Variants in KRT86 observed in about 807,000 individuals in gnomAD.
KRT86 encodes the protein keratin 86, also known as keratin, type II cuticular Hb6.
KRT86 carries 30 observed loss-of-function variants against 41.2 expected under a neutral mutation model. That is an observed-to-expected ratio of 0.73 (90% confidence interval 0.54 to 0.99). The LOEUF (loss-of-function observed/expected upper bound fraction) is 0.99. Among genes scored for constraint, KRT86 ranks in the 50% least tolerant of loss-of-function variants. The pLI, the probability that KRT86 is intolerant of heterozygous loss-of-function variation, is 0.00. For synonymous variants in KRT86, 238 were observed against 238.1 expected (o/e 1.00, Z 0.00); for missense variants, 561 against 571.4 (o/e 0.98, Z 0.19).
chr12:52,301,760 AAGCCTTCT>A, intron 2 of KRT86, 145 bp from the exon 3 acceptor site: 1 of 1,489,934 alleles, frequency 6.7e-7, no homozygotes, highest in Non-Finnish European at 9.2e-7. Flanking sequence ...CAAGCCCATA[AAGCCTTCT>A]AATTGCTCCG....
rs202026667 is a variant in KRT86, at chr12:52,305,770, G to A, written c.1008G>A (p.Val336=). Residue 336 remains valine (V), a synonymous_variant, in exon 8 of 11, where the codon GTG becomes GTA. Transcript: ENST00000423955. ...TGATCCAGAGGCTGACGGCTGAGGTGGAGAATGCCAAGTGCCAGGTATGGG... is the reference window on the plus strand; with the variant it reads ...TGATCCAGAGGCTGACGGCTGAGGTAGAGAATGCCAAGTGCCAGGTATGGG... ...NRMIQRLTAE[V]ENAKCQNSKL... 1.9e-6 allele frequency: 3 copies of A among 1,614,014 alleles called. No homozygotes were observed. In the African/African-American group the frequency reaches 4.0e-5, roughly 22 times the overall value.
intron 2 of KRT86, 49 bp from the exon 3 acceptor site, chr12:52,301,864 C>T: frequency 6.2e-7 from 1 of 1,613,646 alleles, no homozygotes; most frequent in Non-Finnish European, 8.5e-7. Flanking sequence ...CCACTGTGCT[C>T]TCCATTCGGA....
At position 52,306,197 on chromosome 12, in the gene KRT86, G is replaced by C. The variant is rs375789021; in HGVS notation, c.1164G>C (p.Glu388Asp). ...AGGACATGGCCTGCCTGATCAGGGAGTACCAGGAGGTGATGAACTCCAAGC... is the reference window on the plus strand; with the variant it reads ...AGGACATGGCCTGCCTGATCAGGGACTACCAGGAGGTGATGAACTCCAAGC... ...AKQDMACLIR[E>D]YQEVMNSKLG... Residue 388 changes from glutamate to aspartate, a missense_variant, in exon 9 of 11, where the codon GAG (glutamate) becomes GAC (aspartate). Coordinates refer to ENST00000423955, the MANE Select transcript of KRT86 (RefSeq NM_001320198.2). 6.2e-7 allele frequency: 1 copy of C among 1,613,816 alleles called. No homozygotes were observed. Among genetic ancestry groups the C allele is most frequent in the Admixed American group, 1.7e-5 (1 of 60,038 alleles).
chr12:52,308,856 G>GTTTT lies in KRT86; in HGVS notation c.*276_*279dup. Reference sequence around the variant, plus strand: ...CATCTTTTTCTTCCGCCTGCCTTCTGTTTTTTTTGCTGTATACATTGGTCT... The same window carrying GTTTT: ...CATCTTTTTCTTCCGCCTGCCTTCTGTTTTTTTTTTTTGCTGTATACATTGGTCT... On this transcript the variant is annotated 3_prime_UTR_variant, in exon 11 of 11. Coordinates refer to ENST00000423955, the MANE Select transcript of KRT86 (RefSeq NM_001320198.2). The GTTTT allele has an allele frequency of 5.0e-5, 24 of 477,820 alleles. No individual in the cohort carries two copies. The highest frequency in any genetic ancestry group is 6.1e-5 in the African/African-American group (3 of 49,164). The allele number at this position is 477,820 out of a possible 1,614,324, so 29.6% of individuals were successfully genotyped here.
At chr12:52,297,207 C>A (rs1174760880) in intron 2 of KRT86, among the ~76,000 whole-genome samples, 1 of 152,226 alleles carries the variant, frequency 6.6e-6, no homozygotes, top group African/African-American at 2.4e-5. Flanking sequence ...AGACTAGCTG[C>A]AATTGCACAT....
At chr12:52,287,872 C>T in intron 2 of KRT86, 4 of 1,603,934 alleles carry the variant, frequency 2.5e-6, no homozygotes, top group Non-Finnish European at 3.4e-6. Flanking sequence ...ATTGGCAGCC[C>T]TCTCTTCTCA....
intron 2 of KRT86, among the ~76,000 whole-genome samples, chr12:52,300,417 G>A (rs1938345151): frequency 6.6e-6 from 1 of 152,182 alleles, no homozygotes; most frequent in South Asian, 2.1e-4. Flanking sequence ...CCTAATGATT[G>A]TAATGAAGCC....
chr12:52,286,340 CA>C (rs1231533810), intron 2 of KRT86: 2 of 1,555,036 alleles, frequency 1.3e-6, no homozygotes, highest in Non-Finnish European at 1.7e-6. Context: ...ACCCCCTCCG[CA>C]GGTGGTGTTC....
intron 2 of KRT86, chr12:52,288,177 T>A (rs758450794): frequency 2.5e-6 from 4 of 1,612,344 alleles, no homozygotes; most frequent in Admixed American, 1.7e-5. Context: ...GTGACTTTAG[T>A]TGAGAATACA....
At chr12:52,305,487 G>C in intron 7 of KRT86, 83 bp downstream of exon 7, 4 of 1,610,362 alleles carry the variant, frequency 2.5e-6, no homozygotes, top group Non-Finnish European at 2.5e-6. Context: ...TCCTTTTCTG[G>C]GGATGCACTA....
chr12:52,286,780 C>CA (rs1318005756), intron 2 of KRT86: 1 of 1,613,824 alleles, frequency 6.2e-7, no homozygotes, highest in East Asian at 2.2e-5. Context: ...CACTGGACCC[C>CA]AAATACTCAC....
At chr12:52,288,668 C>A (rs142261130) in intron 2 of KRT86, among the ~76,000 whole-genome samples, 8 of 152,246 alleles carry the variant, frequency 5.3e-5, no homozygotes, top group African/African-American at 1.9e-4. Flanking sequence ...GCCTCACCAG[C>A]CTTTCACCCC....
intron 9 of KRT86, among the ~76,000 whole-genome samples, chr12:52,307,625 C>T (rs73309373): frequency 0.16 from 24,672 of 152,194 alleles, 2,432 homozygotes; most frequent in African/African-American, 0.28. Flanking sequence ...GGGCCTCAGC[C>T]TTTCCATCTG....
rs1475652689 is a variant in KRT86, at chr12:52,308,528, C to T, written c.1404C>T (p.Asn468=). ...SNSNVVVGTT[N]ACAPSARVGV... ...GCAACGTGGTGGTGGGCACTACTAACGCCTGCGCCCCCTCCGCCCGGGTTG... is the reference window on the plus strand; with the variant it reads ...GCAACGTGGTGGTGGGCACTACTAATGCCTGCGCCCCCTCCGCCCGGGTTG... Residue 468 remains asparagine (N), a synonymous_variant, in exon 11 of 11, where the codon AAC becomes AAT. Transcript: ENST00000423955. 6.2e-7 allele frequency: 1 copy of T among 1,603,466 alleles called. No homozygotes were observed. Among genetic ancestry groups the T allele is most frequent in the Non-Finnish European group, 8.5e-7 (1 of 1,179,840 alleles).
rs1256212577 is a variant in KRT86, at chr12:52,306,117, A to T, written c.1084A>T (p.Ser362Cys). 6.2e-7 allele frequency: 1 copy of T among 1,614,044 alleles called. No individual in the cohort carries two copies. Among genetic ancestry groups the T allele is most frequent in the South Asian group, 1.1e-5 (1 of 91,078 alleles). Residue 362 changes from serine (S) to cysteine (C), a missense_variant, in exon 9 of 11, where the codon AGC becomes TGC. Around this residue, in one of 3 missense-constraint regions of KRT86, gnomAD observed 397 missense variants for 375.9 expected, o/e 1.06. Coordinates refer to ENST00000423955, the MANE Select transcript of KRT86 (RefSeq NM_001320198.2). Reference protein sequence around the residue: ...QSEQQGEAALSDARCKLAELE... With the variant: ...QSEQQGEAALCDARCKLAELE... The stretch of plus-strand genomic sequence containing the variant: ...TGAGCAGCAGGGTGAGGCGGCCCTC[A>T]GCGATGCCCGCTGCAAGTTGGCCGA...
intron 2 of KRT86, chr12:52,291,437 C>T (rs1938120523): frequency 1.9e-6 from 3 of 1,612,632 alleles, no homozygotes; most frequent in Non-Finnish European, 2.5e-6. Flanking sequence ...GCTGAAGGCG[C>T]GCCCACCAAA....
At chr12:52,296,205 G>A (rs901527502) in intron 2 of KRT86, among the ~76,000 whole-genome samples, 84 of 152,264 alleles carry the variant, frequency 5.5e-4, no homozygotes, top group African/African-American at 2.0e-3. Flanking sequence ...CTGCATGGGT[G>A]GAGAAGAAAA....
chr12:52,278,195 C>A (rs1044603217), intron 2 of KRT86, among the ~76,000 whole-genome samples: 2 of 152,180 alleles, frequency 1.3e-5, no homozygotes, highest in African/African-American at 2.4e-5. Flanking sequence ...GAACTGATCA[C>A]CCATGCCACA....
chr12:52,281,825 A>G (rs773280417), intron 2 of KRT86, among the ~76,000 whole-genome samples: 6 of 151,922 alleles, frequency 3.9e-5, no homozygotes, highest in Admixed American at 6.6e-5. Flanking sequence ...TGCAGCCTCA[A>G]CCTCCTGGGC....
Sources: allele counts gnomAD v4.1 joint callset (sites outside exome capture counted in the v4.1 genomes callset), GRCh38; gene constraint gnomAD v4.1.1; regional missense constraint gnomAD v4.1.1; transcripts MANE v1.5; gene names NCBI Gene and HGNC (gene_info 2026-07-23, HGNC 2026-07-21).